The following PRKAR1A variants were observed in gnomAD, a reference collection of about 807,000 sequenced individuals.
PRKAR1A encodes protein kinase cAMP-dependent type I regulatory subunit alpha, also known as cAMP-dependent protein kinase type I-alpha regulatory subunit.
PRKAR1A carries 3 observed loss-of-function variants against 52.0 expected under a neutral mutation model. The ratio of observed to expected loss-of-function variants is 0.06; its 90% CI spans 0.03 to 0.15. PRKAR1A has a LOEUF of 0.15. Ranked by LOEUF, PRKAR1A falls within the 10% of genes least tolerant of loss-of-function variation. PRKAR1A has a pLI of 1.00. For synonymous variants in PRKAR1A, 188 were observed against 168.4 expected, an observed-to-expected ratio of 1.12 and a Z score of -0.90; for missense variants, 240 against 477.4, an observed-to-expected ratio of 0.50 and a Z score of 4.63.
At chr17:68,430,096 A>C in the PRKAR1A span, 2 of 1,614,142 alleles carry the variant, frequency 1.2e-6, no homozygotes, top group Non-Finnish European at 1.7e-6. Context: ...GTAGGGAGGT[A>C]GTTGGTAGCA....
intron 2 of PRKAR1A, among the ~76,000 whole-genome samples, chr17:68,517,289 G>T (rs1475745508): frequency 6.6e-6 from 1 of 152,170 alleles, no homozygotes; most frequent in African/African-American, 2.4e-5. Flanking sequence ...CAACTTGTTA[G>T]TGGGTCATAG....
chr17:68,441,454 T>C, the PRKAR1A span, among the ~76,000 whole-genome samples: 1 of 152,214 alleles, frequency 6.6e-6, no homozygotes, highest in South Asian at 2.1e-4. Context: ...CAAGGATTTA[T>C]AAAATCAACA....
chr17:68,533,811 T>C (rs1490801864), downstream of PRKAR1A, among the ~76,000 whole-genome samples: 1 of 152,218 alleles, frequency 6.6e-6, no homozygotes, highest in Non-Finnish European at 1.5e-5. Context: ...CTGCAGCCTC[T>C]CTGCTTCCCA....
the PRKAR1A span, among the ~76,000 whole-genome samples, chr17:68,442,201 T>C: frequency 0.15 from 23,308 of 152,120 alleles, 2,312 homozygotes; most frequent in East Asian, 0.28. Flanking sequence ...TGCTGACTCA[T>C]GCCTATAATT....
the PRKAR1A span, among the ~76,000 whole-genome samples, chr17:68,488,801 G>A: frequency 5.3e-5 from 8 of 150,924 alleles, no homozygotes; most frequent in African/African-American, 1.9e-4. Context: ...CTGCCACATG[G>A]TTCTATAAAG....
At chr17:68,430,775 A>G in the PRKAR1A span, among the ~76,000 whole-genome samples, 2 of 152,134 alleles carry the variant, frequency 1.3e-5, no homozygotes, top group Non-Finnish European at 2.9e-5. Context: ...TCTGTTGGTG[A>G]GAGACAACCC....
chr17:68,474,989 TAA>T, the PRKAR1A span, among the ~76,000 whole-genome samples: 1 of 152,238 alleles, frequency 6.6e-6, no homozygotes, highest in Non-Finnish European at 1.5e-5. Context: ...TTCTAAAATC[TAA>T]GTTGGATTTA....
the PRKAR1A span, among the ~76,000 whole-genome samples, chr17:68,471,514 A>G: frequency 2.6e-5 from 4 of 152,180 alleles, no homozygotes; most frequent in Non-Finnish European, 5.9e-5. Context: ...CATGTGTAAC[A>G]TCAAAACATC....
intron 11 of PRKAR1A, among the ~76,000 whole-genome samples, chr17:68,550,254 T>A (rs1435836255): frequency 6.6e-6 from 1 of 152,054 alleles, no homozygotes; most frequent in Non-Finnish European, 1.5e-5. Flanking sequence ...GATGGGATTT[T>A]AAAATCAATA....
chr17:68,535,902 T>C (rs1361711961), downstream of PRKAR1A: 2 of 453,994 alleles, frequency 4.4e-6, no homozygotes, highest in African/African-American at 2.0e-5. Context: ...GGAATAGGTC[T>C]AAACCACTAA....
downstream of PRKAR1A, chr17:68,535,230 C>T: frequency 2.2e-6 from 1 of 450,506 alleles, no homozygotes; most frequent in Non-Finnish European, 4.5e-6. Flanking sequence ...AGAAATGAGT[C>T]TTAATTTTGT....
chr17:68,512,695 G>C (rs2085297210), intron 1 of PRKAR1A, 147 bp downstream of exon 1: 1 of 152,272 alleles, frequency 6.6e-6, no homozygotes, highest in African/African-American at 2.4e-5. Context: ...GGCCCGGCGG[G>C]CGCCTCCCCG....
chr17:68,420,807 G>A, the PRKAR1A span: 1 of 280,386 alleles, frequency 3.6e-6, no homozygotes, highest in Non-Finnish European at 6.7e-6. Flanking sequence ...AAAATGCCTG[G>A]CAAATTACCT....
the PRKAR1A span, among the ~76,000 whole-genome samples, chr17:68,452,626 T>G: frequency 1.3e-5 from 2 of 152,210 alleles, no homozygotes; most frequent in South Asian, 4.1e-4. Flanking sequence ...TAAAAATTAA[T>G]GACTGTGCAT....
At chr17:68,456,042 A>G in the PRKAR1A span, among the ~76,000 whole-genome samples, 1 of 152,222 alleles carries the variant, frequency 6.6e-6, no homozygotes, top group South Asian at 2.1e-4. Context: ...GTGAGTCACA[A>G]GCAGCTTAGA....
chr17:68,494,683 C>T, the PRKAR1A span, among the ~76,000 whole-genome samples: 1 of 152,160 alleles, frequency 6.6e-6, no homozygotes, highest in South Asian at 2.1e-4. Flanking sequence ...AAGTTGGATA[C>T]CCTGAGACTT....
downstream of PRKAR1A, chr17:68,537,681 G>A (rs1200474965): frequency 2.0e-5 from 32 of 1,613,486 alleles, no homozygotes; most frequent in East Asian, 2.7e-4. The surrounding 1 kb of genome is among the most constrained non-coding windows in gnomAD (Gnocchi z 4.2). Flanking sequence ...GCATCACATC[G>A]CTGAGTCTGT....
the PRKAR1A span, among the ~76,000 whole-genome samples, chr17:68,468,406 G>A: frequency 1.3e-5 from 2 of 152,206 alleles, no homozygotes; most frequent in Admixed American, 6.5e-5. Context: ...GAACTGGAAC[G>A]AAATGTCCTG....
chr17:68,528,690 G>A, intron 8 of PRKAR1A, 180 bp from the exon 9 acceptor site: 1 of 752,012 alleles, frequency 1.3e-6, no homozygotes, highest in Non-Finnish European at 2.2e-6. Flanking sequence ...GCTATCTGCA[G>A]GCAGTATGAG....
Sources: gnomAD v4.1 joint callset for allele counts (sites outside exome capture counted in the v4.1 genomes callset) on GRCh38, gnomAD v4.1.1 for gene constraint, Gnocchi (gnomAD v3.1) non-coding constraint, MANE v1.5 for transcripts, NCBI Gene and HGNC (gene_info 2026-07-23, HGNC 2026-07-21) for gene names.